Variants in TRAF5 observed in about 807,000 individuals in gnomAD.
The protein encoded by TRAF5 is TNF receptor associated factor 5.
TRAF5 carries 48 observed loss-of-function variants against 64.5 expected under a neutral mutation model. That is an observed-to-expected ratio of 0.74 (90% CI 0.59 to 0.95). TRAF5 has a LOEUF of 0.95. Among genes scored for constraint, TRAF5 ranks in the 40% least tolerant of loss-of-function variants. The probability of loss-of-function intolerance (pLI) is 0.00; values close to 1 mark genes in which losing one functional copy is unlikely to be tolerated. For missense variants in TRAF5, 545 were observed against 662.8 expected (o/e 0.82, Z 1.95); for synonymous variants, 206 against 240.5 (o/e 0.86, Z 1.33).
chr1:211,358,895 TTAA>T (rs1229179624), intron 4 of TRAF5: 11 of 149,026 alleles, frequency 7.4e-5, no homozygotes, highest in Non-Finnish European at 1.3e-4. Context: ...ATGTTTATTT[TTAA>T]TAATAAATAA....
chr1:211,345,807 A>ACTGGG (rs1702589930), intron 1 of TRAF5, among the ~76,000 whole-genome samples: 1 of 152,104 alleles, frequency 6.6e-6, no homozygotes, highest in Non-Finnish European at 1.5e-5. Context: ...CACTGTTGAG[A>ACTGGG]TGCTGCCCAG....
At chr1:211,356,251 G>A (rs1702961959) in intron 3 of TRAF5, 116 bp from the exon 4 acceptor site, 1 of 699,728 alleles carries the variant, frequency 1.4e-6, no homozygotes, top group Non-Finnish European at 2.4e-6. Context: ...TCCAGCTGAT[G>A]TCTGGAAGTT....
chr1:211,337,441 G>A (rs558021163), intron 1 of TRAF5, among the ~76,000 whole-genome samples: 337 of 152,282 alleles, frequency 2.2e-3, no homozygotes, highest in African/African-American at 7.9e-3. Context: ...AGAATGGAGA[G>A]GCAGAGAAAC....
Position 211,353,473 on chromosome 1 carries a change from C to A in TRAF5, c.218+16C>A, listed in dbSNP as rs771411610. 4 of 1,605,326 alleles carry A rather than the reference C, an allele frequency of 2.5e-6. No homozygotes were observed. The South Asian group carries it at 4.4e-5, about 18-fold the overall frequency. Reference sequence around the variant, plus strand: ...TGTCCCTGAGGTGAGTGGGCAGGGCCTGCAACTCTGGCCATGGCAGTCCTA... The same window carrying A: ...TGTCCCTGAGGTGAGTGGGCAGGGCATGCAACTCTGGCCATGGCAGTCCTA... On this transcript the variant is annotated intron_variant, in intron 2 of 10. Transcript: ENST00000261464.
intron 8 of TRAF5, chr1:211,369,210 C>A: frequency 3.7e-6 from 1 of 270,824 alleles, no homozygotes; most frequent in African/African-American, 2.2e-5. Flanking sequence ...TTAGGTGAAC[C>A]ATCATAGTAG....
At chr1:211,345,002 G>A (rs369991074) in intron 1 of TRAF5, among the ~76,000 whole-genome samples, 9 of 152,182 alleles carry the variant, frequency 5.9e-5, no homozygotes, top group East Asian at 1.9e-4. Flanking sequence ...TCGGCTCACC[G>A]CAGCCTCCTG....
At chr1:211,363,977 C>T (rs921111988) in intron 7 of TRAF5, among the ~76,000 whole-genome samples, 2 of 151,664 alleles carry the variant, frequency 1.3e-5, no homozygotes, top group African/African-American at 4.8e-5. Flanking sequence ...ACAGTCAGGC[C>T]CAAATCTCCA....
chr1:211,371,891 G>T (rs998396354), intron 10 of TRAF5, among the ~76,000 whole-genome samples: 1 of 152,214 alleles, frequency 6.6e-6, no homozygotes. Flanking sequence ...AATGCTCAGT[G>T]TGTCTTCTCT....
At position 211,353,421 on chromosome 1, in the gene TRAF5, G is replaced by A; in HGVS notation, c.182G>A (p.Gly61Glu). The change falls in exon 2 of 11, where the codon GGG (glycine) becomes GAG (glutamate). Residue 61 changes from glycine to glutamate, a missense_variant. By Grantham distance (98) the Gly-to-Glu change is moderately conservative. Coordinates refer to ENST00000261464, the MANE Select transcript of TRAF5 (RefSeq NM_001033910.3). Reference sequence around the variant, plus strand: ...CACAACCCCCACCAGACAGGATGTGGGCACCGCTTCTGCCAGCACTGCATC... The same window carrying A: ...CACAACCCCCACCAGACAGGATGTGAGCACCGCTTCTGCCAGCACTGCATC... ...VLHNPHQTGC[G>E]HRFCQHCILS... is the part of the protein sequence containing the mutation. The A allele has an allele frequency of 1.2e-6, 2 of 1,613,880 alleles. No homozygotes were observed. Among genetic ancestry groups the A allele is most frequent in the Admixed American group, 1.7e-5 (1 of 60,012 alleles).
chr1:211,364,632 GC>G (rs1247633353), intron 7 of TRAF5, among the ~76,000 whole-genome samples: 2 of 152,232 alleles, frequency 1.3e-5, no homozygotes, highest in Admixed American at 6.5e-5. Flanking sequence ...GTTGCAGTGA[GC>G]CAAGGTTGTG....
chr1:211,356,311 A>C lies in TRAF5; in HGVS notation c.277-56A>C, dbSNP rs1702963357. The C allele has an allele frequency of 3.4e-6, 5 of 1,473,826 alleles. No homozygotes were observed. In the African/African-American group the frequency reaches 5.6e-5, roughly 16 times the overall value. The allele number at this position is 1,473,826 out of a possible 1,614,324, so 91.3% of individuals were successfully genotyped here. ...CGAAGACCAAATTAGTAATAGCTTAATTCACATTGCTGTAAAACTTTGAAG... is the reference window on the plus strand; with the variant it reads ...CGAAGACCAAATTAGTAATAGCTTACTTCACATTGCTGTAAAACTTTGAAG... On this transcript the variant is annotated intron_variant, in intron 3 of 10. Coordinates refer to ENST00000261464, the MANE Select transcript of TRAF5 (RefSeq NM_001033910.3).
intron 5 of TRAF5, 179 bp from the exon 6 acceptor site, chr1:211,360,523 T>C: frequency 1.8e-6 from 1 of 547,500 alleles, no homozygotes. Flanking sequence ...AAATTTAATA[T>C]TTTAATTAAG....
chr1:211,343,838 G>A (rs1702515102), intron 1 of TRAF5, among the ~76,000 whole-genome samples: 2 of 152,118 alleles, frequency 1.3e-5, no homozygotes, highest in African/African-American at 2.4e-5. Context: ...GGGTACTCTG[G>A]CCTGGGGACT....
chr1:211,373,523 C>T lies in TRAF5; in HGVS notation c.*821C>T, dbSNP rs1010720618. 7 of 152,086 alleles carry T rather than the reference C, an allele frequency of 4.6e-5. No homozygotes were observed. Among genetic ancestry groups the T allele is most frequent in the Non-Finnish European group, 1.0e-4 (7 of 68,030 alleles). 9.4% of individuals were successfully genotyped at this position (152,086 alleles called of 1,614,324 possible). A position where few individuals can be genotyped will look rare whatever the true frequency, so the allele number is the denominator to read the frequency against. ...ATATATACACACACACATACATATA[C>T]ACCTATATATGTGTGTATACAAACA... On this transcript the variant is annotated 3_prime_UTR_variant, in exon 11 of 11. Coordinates refer to ENST00000261464, the MANE Select transcript of TRAF5 (RefSeq NM_001033910.3).
In TRAF5 at chr1:211,361,133, C is replaced by G; in HGVS notation, c.667C>G (p.Pro223Ala). The G allele has an allele frequency of 6.2e-7, 1 of 1,614,110 alleles. No individual in the cohort carries two copies. Among genetic ancestry groups the G allele is most frequent in the Non-Finnish European group, 8.5e-7 (1 of 1,180,010 alleles). Residue 223 changes from proline (P) to alanine (A), a missense_variant, in exon 7 of 11, where the codon CCT becomes GCT. Pro to Ala is a conservative substitution (Grantham distance 27). Transcript: ENST00000261464. ...AVCPEAEQDC[P>A]FKHYGCAVTD... The stretch of plus-strand genomic sequence containing the variant: ...ATGTCCTGAAGCTGAGCAAGACTGT[C>G]CTTTTAAGCACTATGGCTGTGCTGT...
intron 1 of TRAF5, among the ~76,000 whole-genome samples, chr1:211,334,599 A>G (rs182401195): frequency 2.0e-4 from 30 of 152,220 alleles, no homozygotes; most frequent in African/African-American, 5.8e-4. Context: ...CGGAGGTTGC[A>G]GTGAGCCGAG....
intron 8 of TRAF5, among the ~76,000 whole-genome samples, chr1:211,367,234 G>A (rs1237217109): frequency 6.6e-6 from 1 of 152,106 alleles, no homozygotes; most frequent in Non-Finnish European, 1.5e-5. Context: ...TGCCTCAGCC[G>A]CCCAAAGCGG....
In TRAF5 at chr1:211,360,747, A is replaced by G. The variant is rs1487587627; in HGVS notation, c.589A>G (p.Asn197Asp). The change falls in exon 6 of 11, where the codon AAC becomes GAC. Residue 197 changes from asparagine to aspartate, a missense_variant. By Grantham distance (23) the Asn-to-Asp change is conservative. Coordinates refer to ENST00000261464, the MANE Select transcript of TRAF5 (RefSeq NM_001033910.3). ...LCPEYPVFCP[N>D]NCAKIILKTE... is the part of the protein sequence containing the mutation. ...TCCTGAATACCCAGTATTTTGTCCC[A>G]ACAATTGTGCGAAGATTATTCTAAA... 1 of 1,614,042 alleles carries G rather than the reference A, an allele frequency of 6.2e-7. No individual in the cohort carries two copies. Among genetic ancestry groups the G allele is most frequent in the Admixed American group, 1.7e-5 (1 of 60,006 alleles).
At chr1:211,357,674 G>A (rs750703220) in intron 4 of TRAF5, 4 of 152,120 alleles carry the variant, frequency 2.6e-5, no homozygotes, top group Non-Finnish European at 5.9e-5. Flanking sequence ...GAGAGTTGAG[G>A]AGTAATATCA....
Sources: gnomAD v4.1 joint callset for allele counts (sites outside exome capture counted in the v4.1 genomes callset) on GRCh38, gnomAD v4.1.1 for gene constraint, MANE v1.5 for transcripts, NCBI Gene and HGNC (gene_info 2026-07-23, HGNC 2026-07-21) for gene names.